The following OSBPL1A variants were observed in gnomAD, a reference collection of about 807,000 sequenced individuals.
OSBPL1A encodes the protein oxysterol binding protein like 1A, also known as oxysterol-binding protein-related protein 1.
In OSBPL1A, 80 loss-of-function variants were observed where a neutral mutation model predicts 137.1. The ratio of observed to expected loss-of-function variants is 0.58; its 90% confidence interval spans 0.49 to 0.70. The LOEUF (loss-of-function observed/expected upper bound fraction) is 0.70, where lower values mean the gene tolerates loss of function less well. Ranked by LOEUF, OSBPL1A falls within the 30% of genes least tolerant of loss-of-function variation. The probability of loss-of-function intolerance (pLI) is 0.00; values close to 1 mark genes in which losing one functional copy is unlikely to be tolerated. For synonymous variants in OSBPL1A, 365 were observed against 389.7 expected, an observed-to-expected ratio of 0.94 and a Z score of 0.75; for missense variants, 970 against 1,129.4, an observed-to-expected ratio of 0.86 and a Z score of 2.02.
At chr18:24,318,876 C>A (rs2090790349) in intron 7 of OSBPL1A, 67 bp from the exon 8 acceptor site, 12 of 1,252,642 alleles carry the variant, frequency 9.6e-6, no homozygotes, top group Non-Finnish European at 1.4e-5. Flanking sequence ...AATGCTGTAA[C>A]TGCAGCATCT....
chr18:24,271,411 G>T lies in OSBPL1A; in HGVS notation c.1281+9431C>A. On this transcript the variant is annotated intron_variant, in intron 15 of 27. Transcript: ENST00000319481. This position sits in a 1 kb window ranked among gnomAD's most constrained non-coding sequence, Gnocchi z 4.0. ...CAGGAACCCCACGGCAGGGAGACCC[G>T]CACTGGGAAGAGAGCAGGGTCTCCC... 9.9e-6 allele frequency: 3 copies of T among 303,184 alleles called. No individual in the cohort carries two copies. Among genetic ancestry groups the T allele is most frequent in the Non-Finnish European group, 1.5e-5 (3 of 206,122 alleles). 18.8% of individuals were successfully genotyped at this position (303,184 alleles called of 1,614,324 possible).
At chr18:24,177,954 T>C (rs1473163952) in intron 21 of OSBPL1A, 59 bp downstream of exon 21, 3 of 1,504,548 alleles carry the variant, frequency 2.0e-6, no homozygotes, top group Non-Finnish European at 2.7e-6. Context: ...TGAGTGTGCA[T>C]GTCTACACTT....
intron 15 of OSBPL1A, among the ~76,000 whole-genome samples, chr18:24,267,620 C>G (rs1293000761): frequency 6.6e-6 from 1 of 152,090 alleles, no homozygotes; most frequent in African/African-American, 2.4e-5. Flanking sequence ...AGATGGCTGG[C>G]TTGGCACTGG....
intron 15 of OSBPL1A, among the ~76,000 whole-genome samples, chr18:24,245,148 C>T (rs2088845830): frequency 6.6e-6 from 1 of 152,068 alleles, no homozygotes; most frequent in Non-Finnish European, 1.5e-5. Flanking sequence ...CGCTGGAGTG[C>T]AGGCTCCATC....
chr18:24,328,036 CTTTT>C (rs10563779), intron 7 of OSBPL1A, among the ~76,000 whole-genome samples: 22 of 95,632 alleles, frequency 2.3e-4, no homozygotes, highest in African/African-American at 3.6e-4. Context: ...AGAAATCACA[CTTTT>C]TTTTTTTTTT....
chr18:24,210,382 G>A (rs2087501113), intron 17 of OSBPL1A, among the ~76,000 whole-genome samples: 1 of 152,016 alleles, frequency 6.6e-6, no homozygotes, highest in African/African-American at 2.4e-5. Context: ...CGTGAGTAGT[G>A]AGCTAAAATT....
Position 24,332,975 on chromosome 18 carries a change from T to C in OSBPL1A, c.592A>G (p.Ser198Gly), listed in dbSNP as rs1247620690. The C allele has an allele frequency of 1.2e-6, 2 of 1,614,234 alleles. No individual in the cohort carries two copies. The highest frequency in any genetic ancestry group is 1.7e-6 in the Non-Finnish European group (2 of 1,180,042). ...HKQCALKLLR[S>G]GADPNLKNKN... ...TTCTTCAGATTAGGGTCTGCTCCAC[T>C]TCTTAGAAGCTTTAAGGCACATTGT... is the stretch of plus-strand genomic sequence containing the variant. The change falls in exon 7 of 28, where the codon AGT becomes GGT. Residue 198 changes from serine to glycine, a missense_variant. By Grantham distance (56) the Ser-to-Gly change is moderately conservative (BLOSUM62 0). Coordinates refer to ENST00000319481, the MANE Select transcript of OSBPL1A (RefSeq NM_080597.4).
intron 15 of OSBPL1A, among the ~76,000 whole-genome samples, chr18:24,257,230 A>G (rs774518802): frequency 3.3e-5 from 5 of 152,180 alleles, no homozygotes; most frequent in Non-Finnish European, 5.9e-5. Context: ...TTCAAATTAC[A>G]GTACAGAGCT....
intron 9 of OSBPL1A, 149 bp downstream of exon 9, chr18:24,318,452 A>G: frequency 1.4e-6 from 1 of 721,896 alleles, no homozygotes; most frequent in Non-Finnish European, 2.3e-6. Context: ...CTAAAAATAA[A>G]AAAAAAAATC....
chr18:24,165,752 A>G (rs936854620), intron 26 of OSBPL1A, among the ~76,000 whole-genome samples: 2 of 152,216 alleles, frequency 1.3e-5, no homozygotes, highest in Non-Finnish European at 1.5e-5. Context: ...CCTTGGGGGG[A>G]AAAATGCCCC....
intron 17 of OSBPL1A, among the ~76,000 whole-genome samples, chr18:24,203,316 T>TA (rs1212613072): frequency 6.6e-6 from 1 of 152,080 alleles, no homozygotes; most frequent in Non-Finnish European, 1.5e-5. Flanking sequence ...GATCTACAGA[T>TA]AAAGGACAAG....
chr18:24,250,216 G>A (rs1002793944), intron 15 of OSBPL1A, among the ~76,000 whole-genome samples: 1 of 145,896 alleles, frequency 6.9e-6, no homozygotes, highest in African/African-American at 2.5e-5. Context: ...TCACTCCGTC[G>A]CCCAGACTGG....
chr18:24,246,389 G>A (rs1045301042), intron 15 of OSBPL1A, among the ~76,000 whole-genome samples: 1 of 152,062 alleles, frequency 6.6e-6, no homozygotes, highest in Non-Finnish European at 1.5e-5. Context: ...TGAGTGAAAT[G>A]GGAAGCCAGT....
chr18:24,287,671 G>C (rs1006846381), intron 14 of OSBPL1A, among the ~76,000 whole-genome samples: 2 of 152,086 alleles, frequency 1.3e-5, no homozygotes, highest in Non-Finnish European at 2.9e-5. Context: ...TACCCGGGAG[G>C]CTGAGGCAGG....
rs113063578 is a variant in OSBPL1A at position 24,181,357 on chromosome 18, C to T, written c.1678-78G>A. On this transcript the variant is annotated intron_variant, in intron 18 of 27. Coordinates refer to ENST00000319481, the MANE Select transcript of OSBPL1A (RefSeq NM_080597.4). ...CCTATTGTTATCTTTACATAACATC[C>T]TCCTGGAAAGGACAGAACAGAAACT... 30,239 of 1,451,122 alleles carry T rather than the reference C, an allele frequency of 0.021. 395 individuals carry two copies. The highest frequency in any genetic ancestry group is 0.023 in the Non-Finnish European group (24,433 of 1,064,740). The allele number at this position is 1,451,122 out of a possible 1,614,324, so 89.9% of individuals were successfully genotyped here. A position where few individuals can be genotyped will look rare whatever the true frequency, so the allele number is the denominator to read the frequency against.
At chr18:24,318,881 G>T (rs1599660385) in intron 7 of OSBPL1A, 72 bp from the exon 8 acceptor site, 2 of 1,195,976 alleles carry the variant, frequency 1.7e-6, no homozygotes, top group Non-Finnish European at 2.4e-6. Flanking sequence ...TGTAACTGCA[G>T]CATCTAATAG....
chr18:24,353,043 C>A (rs372896442), intron 4 of OSBPL1A, among the ~76,000 whole-genome samples: 1,563 of 152,124 alleles, frequency 0.01, 25 homozygotes, highest in African/African-American at 0.033. Flanking sequence ...AAAGCAATGG[C>A]AACAAAAGCC....
intron 21 of OSBPL1A, among the ~76,000 whole-genome samples, chr18:24,175,117 T>C (rs1260057415): frequency 5.9e-4 from 21 of 35,624 alleles, no homozygotes; most frequent in African/African-American, 1.1e-3. Context: ...TGTATATATA[T>C]ATATATATAT....
At chr18:24,373,977 T>C (rs79188444) in intron 2 of OSBPL1A, among the ~76,000 whole-genome samples, 1,842 of 152,202 alleles carry the variant, frequency 0.012, 30 homozygotes, top group African/African-American at 0.034. Context: ...TCCAAGTAGA[T>C]GACTTTCTCC....
Sources: gnomAD v4.1 joint callset for allele counts (sites outside exome capture counted in the v4.1 genomes callset) on GRCh38, gnomAD v4.1.1 for gene constraint, Gnocchi (gnomAD v3.1) non-coding constraint, MANE v1.5 for transcripts, NCBI Gene and HGNC (gene_info 2026-07-23, HGNC 2026-07-21) for gene names.